The following GLRB variants were observed in gnomAD, a reference collection of about 807,000 sequenced individuals.
GLRB encodes the protein glycine receptor beta.
GLRB carries 33 observed loss-of-function variants against 54.2 expected under a neutral mutation model. The ratio of observed to expected loss-of-function variants is 0.61; its 90% CI spans 0.46 to 0.81. The LOEUF (loss-of-function observed/expected upper bound fraction) is 0.81, where lower values mean the gene tolerates loss of function less well. GLRB is among the 40% of genes least tolerant of loss of function. The pLI is 0.00. For missense variants in GLRB, 572 were observed against 584.6 expected (o/e 0.98, Z 0.22); for synonymous variants, 209 against 208.2 (o/e 1.00, Z -0.03).
rs572565126 is a variant in GLRB at position 157,089,841 on chromosome 4, C to T, written c.122+11695C>T. On this transcript the variant is annotated intron_variant, in intron 2 of 9. Coordinates refer to ENST00000264428, the MANE Select transcript of GLRB (RefSeq NM_000824.5). ...AAATTAACATACCCAACATATTAAACTGGCTTTCCTATCTGTATTCCCCAG... is the reference window on the plus strand; with the variant it reads ...AAATTAACATACCCAACATATTAAATTGGCTTTCCTATCTGTATTCCCCAG... 1.5e-3 allele frequency among the ~76,000 whole-genome samples: 232 copies of T among 151,348 alleles called. 1 individual carries two copies. Among genetic ancestry groups the T allele is most frequent in the African/African-American group, 5.4e-3 (221 of 41,184 alleles).
chr4:157,125,141 G>A (rs1365368820), intron 4 of GLRB, among the ~76,000 whole-genome samples: 2 of 151,822 alleles, frequency 1.3e-5, no homozygotes, highest in African/African-American at 2.4e-5. Flanking sequence ...AAATAATAGT[G>A]ATAACACAGA....
At chr4:157,164,353 T>A (rs2126628409) in intron 9 of GLRB, among the ~76,000 whole-genome samples, 2 of 152,286 alleles carry the variant, frequency 1.3e-5, no homozygotes, top group Admixed American at 1.3e-4. Flanking sequence ...GAGCCTTATG[T>A]TATGTGGAAG....
intron 8 of GLRB, among the ~76,000 whole-genome samples, chr4:157,145,469 T>A (rs1463263888): frequency 6.6e-6 from 1 of 152,236 alleles, no homozygotes; most frequent in Non-Finnish European, 1.5e-5. Context: ...GAGTTAATAA[T>A]GAGCTACATT....
intron 2 of GLRB, among the ~76,000 whole-genome samples, chr4:157,104,087 A>G (rs1735135976): frequency 6.6e-6 from 1 of 152,048 alleles, no homozygotes; most frequent in Admixed American, 6.6e-5. Flanking sequence ...GCTAGGTACC[A>G]TGTTGAACAG....
intron 2 of GLRB, among the ~76,000 whole-genome samples, chr4:157,102,347 C>T (rs2126484034): frequency 6.6e-6 from 1 of 152,160 alleles, no homozygotes; most frequent in Non-Finnish European, 1.5e-5. Flanking sequence ...CCCCATTTTC[C>T]CTACCCCCAG....
rs778568230 is a variant in GLRB, at chr4:157,122,393, C to T, written c.293C>T (p.Thr98Ile). 2 of 1,179,298 alleles carry T rather than the reference C, an allele frequency of 1.7e-6. No homozygotes were observed. The highest frequency in any genetic ancestry group is 2.5e-6 in the Non-Finnish European group (2 of 797,730). The allele number at this position is 1,179,298 out of a possible 1,614,324, so 73.1% of individuals were successfully genotyped here. A position where few individuals can be genotyped will look rare whatever the true frequency, so the allele number is the denominator to read the frequency against. The change falls in exon 4 of 10, where the codon ACA becomes ATA. Residue 98 changes from threonine to isoleucine, a missense_variant. Thr to Ile is a moderately conservative substitution (Grantham distance 89, BLOSUM62 -1). Coordinates refer to ENST00000264428, the MANE Select transcript of GLRB (RefSeq NM_000824.5). Reference sequence around the variant, plus strand: ...AGTTTTGGATCCATTCAAGAAACAACAATGGTAAGATTGCAATTAATTTAA... The same window carrying T: ...AGTTTTGGATCCATTCAAGAAACAATAATGGTAAGATTGCAATTAATTTAA... ...INSFGSIQET[T>I]MDYRVNIFLR...
At chr4:157,091,389 A>G (rs1734608754) in intron 2 of GLRB, 1 of 152,204 alleles carries the variant, frequency 6.6e-6, no homozygotes, top group Non-Finnish European at 1.5e-5. Context: ...GGCTGTGAGT[A>G]CATTTAAGTA....
chr4:157,156,744 A>C (rs540435961), intron 9 of GLRB, among the ~76,000 whole-genome samples: 45 of 152,220 alleles, frequency 3.0e-4, no homozygotes, highest in Middle Eastern at 3.4e-3. Context: ...TGAATGTTGT[A>C]ATATCTTTCT....
intron 6 of GLRB, among the ~76,000 whole-genome samples, chr4:157,138,189 A>C (rs1009937936): frequency 2.0e-5 from 3 of 152,142 alleles, no homozygotes; most frequent in African/African-American, 7.2e-5. Context: ...CTCCTGCCTC[A>C]GCCTCCTGAG....
intron 7 of GLRB, among the ~76,000 whole-genome samples, chr4:157,142,023 G>A (rs1381861598): frequency 2.0e-5 from 3 of 152,074 alleles, no homozygotes; most frequent in African/African-American, 7.2e-5. Flanking sequence ...TATGCACTAG[G>A]TGAACAGAAA....
intron 9 of GLRB, among the ~76,000 whole-genome samples, chr4:157,161,606 A>C (rs1302655099): frequency 6.6e-6 from 1 of 152,102 alleles, no homozygotes. Flanking sequence ...GTTTGGCTGG[A>C]TATGAAATTC....
intron 8 of GLRB, among the ~76,000 whole-genome samples, chr4:157,151,991 G>A (rs1737037847): frequency 2.0e-5 from 3 of 152,068 alleles, no homozygotes; most frequent in Admixed American, 6.6e-5. Context: ...TTGAAAATAC[G>A]AAGGAAAGGA....
intron 8 of GLRB, among the ~76,000 whole-genome samples, chr4:157,150,519 A>G (rs1736982002): frequency 6.6e-6 from 1 of 152,064 alleles, no homozygotes; most frequent in Non-Finnish European, 1.5e-5. Flanking sequence ...TCTGACACCA[A>G]AACATCTTTA....
intron 2 of GLRB, among the ~76,000 whole-genome samples, chr4:157,106,081 T>G (rs920518369): frequency 3.3e-5 from 5 of 152,148 alleles, no homozygotes; most frequent in African/African-American, 9.6e-5. Context: ...GCATGTCTAG[T>G]GGTGATGAAT....
rs144889451 is a variant in GLRB at position 157,094,229 on chromosome 4, T to A, written c.122+16083T>A. Among the ~76,000 whole-genome samples the A allele has an allele frequency of 1.8e-4, 27 of 152,326 alleles. 1 individual carries two copies. The highest frequency in any genetic ancestry group is 1.7e-3 in the Admixed American group (26 of 15,308). ...ATCACTTTCTTTCCAAATTACTCAT[T>A]GCCAACTCCAGTGATTACCATTCAG... On this transcript the variant is annotated intron_variant, in intron 2 of 9. Coordinates refer to ENST00000264428, the MANE Select transcript of GLRB (RefSeq NM_000824.5).
At chr4:157,137,026 A>T in intron 6 of GLRB, 140 bp downstream of exon 6, 1 of 642,388 alleles carries the variant, frequency 1.6e-6, no homozygotes, top group Non-Finnish European at 2.8e-6. Context: ...TTATTTAGGG[A>T]AATTATAGTT....
chr4:157,095,768 G>A (rs558775355), intron 2 of GLRB, among the ~76,000 whole-genome samples: 28 of 152,216 alleles, frequency 1.8e-4, no homozygotes, highest in Middle Eastern at 3.4e-3. Context: ...AGTAAAAGCC[G>A]GCTGTGACTG....
intron 2 of GLRB, among the ~76,000 whole-genome samples, chr4:157,082,899 A>G (rs1401447258): frequency 6.6e-6 from 1 of 151,696 alleles, no homozygotes; most frequent in East Asian, 1.9e-4. Flanking sequence ...GAGGAAGAAC[A>G]TAGCTTAGCA....
chr4:157,129,314 T>A (rs1258608600), intron 4 of GLRB, among the ~76,000 whole-genome samples: 1 of 151,740 alleles, frequency 6.6e-6, no homozygotes, highest in Admixed American at 6.6e-5. Flanking sequence ...GAGCTATAAT[T>A]ACTGTGATTG....
Sources: allele counts gnomAD v4.1 joint callset (sites outside exome capture counted in the v4.1 genomes callset), GRCh38; gene constraint gnomAD v4.1.1; transcripts MANE v1.5; gene names NCBI Gene and HGNC (gene_info 2026-07-23, HGNC 2026-07-21).